AMZ2: variants seen among roughly 807,000 people sequenced by gnomAD.
AMZ2 encodes archaemetzincin-2.
Under a neutral mutation model 36.7 loss-of-function variants are expected in AMZ2, and 26 were observed. That is an observed-to-expected ratio of 0.71 (90% CI 0.52 to 0.98). The LOEUF (loss-of-function observed/expected upper bound fraction) is 0.98. AMZ2 is among the 50% of genes least tolerant of loss of function. The pLI is 0.00. For synonymous variants in AMZ2, 144 were observed against 149.1 expected (o/e 0.97, Z 0.25); for missense variants, 394 against 430.5 (o/e 0.92, Z 0.75).
chr17:68,232,153 CA>C (rs2073681382), intron 1 of AMZ2, among the ~76,000 whole-genome samples: 1 of 126,882 alleles, frequency 7.9e-6, no homozygotes, highest in South Asian at 2.7e-4. Context: ...GGTATATTTA[CA>C]AAAACACTTC....
chr17:68,217,777 T>C (rs6501241), intron 1 of AMZ2, among the ~76,000 whole-genome samples: 6,050 of 152,082 alleles, frequency 0.04, 403 homozygotes, highest in African/African-American at 0.14. Flanking sequence ...AATATGTTAT[T>C]TGTATAGGTT....
chr17:68,248,309 G>C lies in AMZ2; in HGVS notation c.-397G>C, dbSNP rs1448421971. On this transcript the variant is annotated 5_prime_UTR_variant, in exon 1 of 7. Coordinates refer to ENST00000359904, the MANE Select transcript of AMZ2 (RefSeq NM_016627.5). ...GGCCTTTCCCGAGGCTCCTGGGGAA[G>C]AAGAGGCGAAGCGAGAGTCCCTGGG... is the stretch of plus-strand genomic sequence containing the variant. 2.0e-6 allele frequency: 2 copies of C among 985,860 alleles called. No homozygotes were observed. Among genetic ancestry groups the C allele is most frequent in the Non-Finnish European group, 2.4e-6 (2 of 830,130 alleles). 61.1% of individuals were successfully genotyped at this position (985,860 alleles called of 1,614,324 possible). A position where few individuals can be genotyped will look rare whatever the true frequency, so the allele number is the denominator to read the frequency against.
chr17:68,207,607 GCTTA>G (rs2072879731), intron 1 of AMZ2: 1 of 152,192 alleles, frequency 6.6e-6, no homozygotes, highest in Admixed American at 6.5e-5. Context: ...TTTCATAAAT[GCTTA>G]CTTACTGGAG....
intron 1 of AMZ2, among the ~76,000 whole-genome samples, chr17:68,211,097 TG>T (rs2073032155): frequency 6.6e-6 from 1 of 152,020 alleles, no homozygotes; most frequent in Non-Finnish European, 1.5e-5. Context: ...TTATATGGAA[TG>T]TCCCAAATGG....
intron 1 of AMZ2, 83 bp from the exon 2 acceptor site, chr17:68,250,105 T>G: frequency 7.0e-7 from 1 of 1,421,742 alleles, no homozygotes. Flanking sequence ...TAGGGAGAAA[T>G]CAGAGCTGAA....
chr17:68,226,224 C>T (rs145692317), intron 1 of AMZ2, among the ~76,000 whole-genome samples: 70 of 152,174 alleles, frequency 4.6e-4, no homozygotes, highest in African/African-American at 1.4e-3. Context: ...GGAATCTGAA[C>T]GAAAAGATGC....
In AMZ2 at chr17:68,257,060, T is replaced by TA. The variant is rs2074963661; in HGVS notation, c.*91_*92insA. 1 of 1,365,142 alleles carries TA rather than the reference T, an allele frequency of 7.3e-7. No individual in the cohort carries two copies. Among genetic ancestry groups the TA allele is most frequent in the Admixed American group, 2.1e-5 (1 of 46,924 alleles). The allele number at this position is 1,365,142 out of a possible 1,614,324, so 84.6% of individuals were successfully genotyped here. A position where few individuals can be genotyped will look rare whatever the true frequency, so the allele number is the denominator to read the frequency against. ...ATACTTCATTGGAATAAACTACTGA[T>TA]CTTGTGCTGTGTCAAAGTAACAGAC... On this transcript the variant is annotated 3_prime_UTR_variant, in exon 7 of 7. Transcript: ENST00000359904.
At chr17:68,247,049 A>G (rs1191045414), upstream of AMZ2, 1 of 151,910 alleles carries the variant, frequency 6.6e-6, no homozygotes, top group Non-Finnish European at 1.5e-5. Context: ...ATTAAAAAAA[A>G]AAAAGCCGGG....
chr17:68,214,336 C>T (rs1173921202), intron 1 of AMZ2, among the ~76,000 whole-genome samples: 1 of 152,100 alleles, frequency 6.6e-6, no homozygotes, highest in East Asian at 1.9e-4. Flanking sequence ...AAGGCCTTTT[C>T]CTGTGTCCTG....
chr17:68,223,698 C>T (rs12936145), intron 1 of AMZ2, among the ~76,000 whole-genome samples: 51,958 of 150,174 alleles, frequency 0.35, 9,810 homozygotes, highest in African/African-American at 0.51. Flanking sequence ...TGCCACCATG[C>T]CTGGCTAATT....
Position 68,254,544 on chromosome 17 carries a change from G to A in AMZ2, c.727G>A (p.Val243Ile). 1.2e-6 allele frequency: 2 copies of A among 1,612,162 alleles called. No individual in the cohort carries two copies. The change falls in exon 5 of 7, where the codon GTT (valine) becomes ATT (isoleucine). Residue 243 changes from valine (V) to isoleucine (I), a missense_variant. Physicochemically the swap from Val to Ile is conservative, Grantham distance 29. Transcript: ENST00000359904. ...CTATTATATTCCAGAAATAACTAGT[G>A]TTTTACTACTTCGATCCTGTAAGGT... is the stretch of plus-strand genomic sequence containing the variant. ...DNYYIPEITS[V>I]LLLRSCKTLT...
intron 1 of AMZ2, among the ~76,000 whole-genome samples, chr17:68,241,444 G>C (rs1187762221): frequency 6.6e-6 from 1 of 152,130 alleles, no homozygotes; most frequent in Non-Finnish European, 1.5e-5. Context: ...TAGGTGGAAA[G>C]TATGATGTAT....
chr17:68,248,759 C>T, intron 1 of AMZ2, 54 bp downstream of exon 1: 11 of 995,316 alleles, frequency 1.1e-5, no homozygotes, highest in Non-Finnish European at 1.3e-5. Flanking sequence ...CTGTAGAAGT[C>T]AGATTTCAGC....
chr17:68,210,959 G>A (rs1434703634), intron 1 of AMZ2, among the ~76,000 whole-genome samples: 10 of 61,610 alleles, frequency 1.6e-4, no homozygotes, highest in African/African-American at 2.7e-4. Flanking sequence ...AAAAAAAAAG[G>A]GGGGGGGGGA....
rs1555739250 is a variant in AMZ2, at chr17:68,250,898, G to C, written c.388G>C (p.Val130Leu). Residue 130 changes from valine (V) to leucine (L), a missense_variant, in exon 3 of 7, where the codon GTT becomes CTT. Physicochemically the swap from Val to Leu is conservative, Grantham distance 32. Coordinates refer to ENST00000359904, the MANE Select transcript of AMZ2 (RefSeq NM_016627.5). ...CTTGAGAGTAAAACTCCTAGAACCA[G>C]TTCCTGTTTCTGTAACAAGATGTTC... is the stretch of plus-strand genomic sequence containing the variant. ...YGLRVKLLEP[V>L]PVSVTRCSFR... 1 of 1,610,682 alleles carries C rather than the reference G, an allele frequency of 6.2e-7. No individual in the cohort carries two copies. The highest frequency in any genetic ancestry group is 1.1e-5 in the South Asian group (1 of 89,840).
intron 1 of AMZ2, chr17:68,206,342 C>T (rs2072830013): frequency 8.9e-7 from 1 of 1,127,010 alleles, no homozygotes; most frequent in Non-Finnish European, 1.1e-6. Flanking sequence ...CCCCCCAACC[C>T]CGCCTCCCCC....
intron 4 of AMZ2, among the ~76,000 whole-genome samples, chr17:68,253,306 A>G (rs1292652897): frequency 1.3e-5 from 2 of 152,202 alleles, no homozygotes; most frequent in Non-Finnish European, 2.9e-5. Context: ...TTTTGAATCA[A>G]ATTAGATTGG....
intron 1 of AMZ2, among the ~76,000 whole-genome samples, chr17:68,232,495 CAA>C (rs139890887): frequency 4.4e-4 from 47 of 106,806 alleles, no homozygotes; most frequent in Middle Eastern, 5.1e-3. Context: ...GACCCTATCT[CAA>C]AAAAAAAAAA....
chr17:68,225,531 T>C (rs1431185399), intron 1 of AMZ2, among the ~76,000 whole-genome samples: 2 of 152,230 alleles, frequency 1.3e-5, no homozygotes, highest in African/African-American at 4.8e-5. Flanking sequence ...TTTTTCCCTC[T>C]GTGACTCAAG....
Sources: gnomAD v4.1 joint callset for allele counts (sites outside exome capture counted in the v4.1 genomes callset) on GRCh38, gnomAD v4.1.1 for gene constraint, MANE v1.5 for transcripts, NCBI Gene and HGNC (gene_info 2026-07-23, HGNC 2026-07-21) for gene names.